Variants in AGK observed in about 807,000 individuals in gnomAD.
AGK encodes the protein acylglycerol kinase.
In AGK, 52 loss-of-function variants were observed where a neutral mutation model predicts 66.4. That is an observed-to-expected ratio of 0.78 (90% CI 0.63 to 0.99). The LOEUF (loss-of-function observed/expected upper bound fraction) is 0.99, where lower values mean the gene tolerates loss of function less well. AGK is among the 50% of genes least tolerant of loss of function. The pLI, the probability that AGK is intolerant of heterozygous loss-of-function variation, is 0.00. For synonymous variants in AGK, 182 were observed against 181.1 expected (o/e 1.00, Z -0.04); for missense variants, 451 against 506.6 (o/e 0.89, Z 1.05).
chr7:141,614,873 C>T (rs1274231920), intron 7 of AGK, among the ~76,000 whole-genome samples: 1 of 152,116 alleles, frequency 6.6e-6, no homozygotes, highest in Non-Finnish European at 1.5e-5. Context: ...TTATTTTATG[C>T]ACTTTTCTAC....
At chr7:141,565,695 A>T (rs1160845208) in intron 2 of AGK, among the ~76,000 whole-genome samples, 1 of 151,414 alleles carries the variant, frequency 6.6e-6, no homozygotes, top group Non-Finnish European at 1.5e-5. Context: ...ATCCTCCTTC[A>T]TTCCCTGCAT....
At chr7:141,579,319 G>A (rs538706117) in intron 2 of AGK, among the ~76,000 whole-genome samples, 5 of 152,204 alleles carry the variant, frequency 3.3e-5, no homozygotes, top group African/African-American at 1.2e-4. Flanking sequence ...TAAGGGGTAT[G>A]AGGGTTTCAC....
At chr7:141,595,677 T>A (rs1279068693) in intron 3 of AGK, among the ~76,000 whole-genome samples, 1 of 152,164 alleles carries the variant, frequency 6.6e-6, no homozygotes, top group Admixed American at 6.5e-5. Flanking sequence ...AGACCCCAAT[T>A]TTTGCCCATT....
At chr7:141,616,205 T>C (rs1274524031) in intron 8 of AGK, 1 of 152,172 alleles carries the variant, frequency 6.6e-6, no homozygotes, top group African/African-American at 2.4e-5. Flanking sequence ...AAGATAGGAA[T>C]CTTGAATTTG....
intron 6 of AGK, among the ~76,000 whole-genome samples, chr7:141,613,633 A>G (rs1796644512): frequency 6.6e-6 from 1 of 152,160 alleles, no homozygotes; most frequent in Admixed American, 6.5e-5. Context: ...GAAAAACAAA[A>G]TAATAATAGT....
At chr7:141,627,966 C>T (rs1468143662) in intron 9 of AGK, among the ~76,000 whole-genome samples, 1 of 152,218 alleles carries the variant, frequency 6.6e-6, no homozygotes, top group Non-Finnish European at 1.5e-5. Context: ...ACTGCAACCT[C>T]CACCTCCCAG....
intron 2 of AGK, among the ~76,000 whole-genome samples, chr7:141,585,805 G>GA (rs1251232826): frequency 6.6e-6 from 1 of 152,188 alleles, no homozygotes; most frequent in Non-Finnish European, 1.5e-5. Context: ...GACATCAGCA[G>GA]ATTTTTTTCA....
intron 9 of AGK, among the ~76,000 whole-genome samples, chr7:141,632,359 A>ATCTCTAATCT (rs1797078266): frequency 6.6e-6 from 1 of 152,196 alleles, no homozygotes; most frequent in African/African-American, 2.4e-5. Flanking sequence ...GTTGGTACAT[A>ATCTCTAATCT]AAGCAATGAT....
chr7:141,595,811 C>A (rs141190665), intron 3 of AGK, among the ~76,000 whole-genome samples: 112 of 152,272 alleles, frequency 7.4e-4, no homozygotes, highest in African/African-American at 2.6e-3. Flanking sequence ...CTACCTCATC[C>A]TTGATCCTCT....
At chr7:141,637,739 T>C (rs1030088675) in intron 11 of AGK, among the ~76,000 whole-genome samples, 1 of 152,214 alleles carries the variant, frequency 6.6e-6, no homozygotes, top group Non-Finnish European at 1.5e-5. Flanking sequence ...GTTCCAATGT[T>C]AATATTCAGA....
chr7:141,580,632 G>T (rs976295796), intron 2 of AGK, among the ~76,000 whole-genome samples: 8 of 152,040 alleles, frequency 5.3e-5, no homozygotes, highest in Non-Finnish European at 1.2e-4. Flanking sequence ...TATGAGAGCT[G>T]TAGAGAGTGA....
chr7:141,554,828 T>C (rs1199504472), intron 1 of AGK, among the ~76,000 whole-genome samples: 1 of 152,234 alleles, frequency 6.6e-6, no homozygotes, highest in Non-Finnish European at 1.5e-5. Context: ...GTGAATATGA[T>C]CATTTAAAAA....
chr7:141,614,084 AT>A (rs1449511969), intron 6 of AGK, 61 bp from the exon 7 acceptor site: 73 of 1,248,160 alleles, frequency 5.8e-5, no homozygotes, highest in Non-Finnish European at 8.2e-5. Context: ...ATTGAATCCA[AT>A]TCTTTTATTG....
chr7:141,615,538 T>G lies in AGK; in HGVS notation c.491T>G (p.Leu164Arg), dbSNP rs547618682. 6.2e-7 allele frequency: 1 copy of G among 1,613,912 alleles called. No individual in the cohort carries two copies. Among genetic ancestry groups the G allele is most frequent in the Non-Finnish European group, 8.5e-7 (1 of 1,179,840 alleles). ...LGETSSLSHT[L>R]FAESGNKVQH... ...GAGACCAGTAGTTTGAGTCATACCC[T>G]CTTTGCCGAAAGTGGAAACAAAGTC... The change falls in exon 8 of 16, where the codon CTC becomes CGC. Residue 164 changes from leucine to arginine, a missense_variant. By Grantham distance (102) the Leu-to-Arg change is moderately radical. Transcript: ENST00000649286.
chr7:141,559,296 G>T (rs959639763), intron 2 of AGK, among the ~76,000 whole-genome samples: 1 of 151,972 alleles, frequency 6.6e-6, no homozygotes, highest in South Asian at 2.1e-4. Flanking sequence ...TTTTTATATG[G>T]TATAAGATAG....
intron 11 of AGK, among the ~76,000 whole-genome samples, chr7:141,639,327 AAGCT>A (rs1797237567): frequency 1.3e-5 from 2 of 152,170 alleles, no homozygotes; most frequent in Non-Finnish European, 2.9e-5. Flanking sequence ...GGGAAGGCAA[AAGCT>A]GAGAGAAACA....
At chr7:141,618,218 T>C (rs963694974) in intron 8 of AGK, among the ~76,000 whole-genome samples, 1 of 152,184 alleles carries the variant, frequency 6.6e-6, no homozygotes, top group Admixed American at 6.5e-5. Flanking sequence ...AGATTTTAGA[T>C]GTGGATTTTT....
intron 8 of AGK, among the ~76,000 whole-genome samples, chr7:141,618,457 A>G (rs1045437495): frequency 3.3e-5 from 5 of 152,230 alleles, no homozygotes; most frequent in Admixed American, 6.5e-5. Context: ...CTATTTACGT[A>G]AGTGTAATTA....
Position 141,655,114 on chromosome 7 carries a change from AG to A in AGK, c.*2192del. On this transcript the variant is annotated 3_prime_UTR_variant, in exon 16 of 16. Transcript: ENST00000649286. ...GCAGAATCTGGCTTTCTTTTCTGAT[AG>A]GCTACCAGTGTGTGTTTATGTGTGC... 1 of 152,368 alleles carries A rather than the reference AG, an allele frequency of 6.6e-6. No homozygotes were observed. The highest frequency in any genetic ancestry group is 2.1e-4 in the South Asian group (1 of 4,828). 9.4% of individuals were successfully genotyped at this position (152,368 alleles called of 1,614,324 possible).
Sources: gnomAD v4.1 joint callset for allele counts (sites outside exome capture counted in the v4.1 genomes callset) on GRCh38, gnomAD v4.1.1 for gene constraint, MANE v1.5 for transcripts, NCBI Gene and HGNC (gene_info 2026-07-23, HGNC 2026-07-21) for gene names.